IL17RC: variants seen among roughly 807,000 people sequenced by gnomAD.
The protein encoded by IL17RC is interleukin 17 receptor C, also known as interleukin-17 receptor C.
A neutral mutation model predicts 86.7 loss-of-function variants in IL17RC; 53 were observed. The ratio of observed to expected loss-of-function variants is 0.61; its 90% CI spans 0.49 to 0.77. The LOEUF (loss-of-function observed/expected upper bound fraction) is 0.77, where lower values mean the gene tolerates loss of function less well. Ranked by LOEUF, IL17RC falls within the 30% of genes least tolerant of loss-of-function variation. The pLI is 0.00. For missense variants in IL17RC, 957 were observed against 940.0 expected (o/e 1.02, Z -0.24); for synonymous variants, 439 against 413.1 (o/e 1.06, Z -0.76).
intron 9 of IL17RC, 40 bp downstream of exon 9, chr3:9,924,331 GA>G: frequency 6.3e-7 from 1 of 1,584,068 alleles, no homozygotes; most frequent in Non-Finnish European, 8.7e-7. Context: ...AGAGGAGTGG[GA>G]AGATGATGAT....
rs1267506216 is a variant in IL17RC at position 9,933,074 on chromosome 3, G to A, written c.1644G>A (p.Leu548=). ...TGCCGCTGCGCGTGGCCGTAGACCT[G>A]TGGAGCCGTCGTGAACTGAGCGCGC... ...CQLPLRVAVD[L]WSRRELSAQG... is the part of the protein sequence containing the mutation. The change falls in exon 19 of 19, where the codon CTG becomes CTA. Residue 548 remains leucine (L), a synonymous_variant. Transcript: ENST00000403601. 6.4e-7 allele frequency: 1 copy of A among 1,557,828 alleles called. No homozygotes were observed. The highest frequency in any genetic ancestry group is 8.6e-7 in the Non-Finnish European group (1 of 1,160,076).
rs1368875655 is a variant in IL17RC, at chr3:9,930,211, A to AT, written c.1278+66dup. The AT allele has an allele frequency of 1.2e-6, 2 of 1,601,048 alleles. No homozygotes were observed. Among genetic ancestry groups the AT allele is most frequent in the Non-Finnish European group, 1.7e-6 (2 of 1,170,928 alleles). On this transcript the variant is annotated intron_variant, in intron 14 of 18. Coordinates refer to ENST00000403601, the MANE Select transcript of IL17RC (RefSeq NM_153460.4). The surrounding 1 kb of genome is among the most constrained non-coding windows in gnomAD (Gnocchi z 5.8). ...AAATGCATCTCACATCTGGCCTCAA[A>AT]TTTTCACTCCATCCACCCTGTGCCG...
At chr3:9,918,630 C>A (rs766980978) in intron 5 of IL17RC, 21 bp downstream of exon 5, 19 of 1,511,408 alleles carry the variant, frequency 1.3e-5, no homozygotes, top group African/African-American at 1.4e-5. Flanking sequence ...TAATAATAAT[C>A]ACCTTCTAAA....
chr3:9,923,327 G>A (rs2083748115), intron 7 of IL17RC, among the ~76,000 whole-genome samples: 1 of 152,036 alleles, frequency 6.6e-6, no homozygotes, highest in South Asian at 2.1e-4. Context: ...TGAGGCAGGA[G>A]GATTGCTTGA....
Position 9,933,082 on chromosome 3 carries a change from G to A in IL17RC, c.1652G>A (p.Arg551His). 2 of 1,565,836 alleles carry A rather than the reference G, an allele frequency of 1.3e-6. No homozygotes were observed. The highest frequency in any genetic ancestry group is 1.2e-5 in the South Asian group (1 of 84,136). Residue 551 changes from arginine to histidine, a missense_variant, in exon 19 of 19, where the codon CGT (arginine) becomes CAT (histidine). Transcript: ENST00000403601. ...CGCGTGGCCGTAGACCTGTGGAGCC[G>A]TCGTGAACTGAGCGCGCAGGGGCCC... ...PLRVAVDLWS[R>H]RELSAQGPVA...
At position 9,933,482 on chromosome 3, in the gene IL17RC, G is replaced by C. The variant is rs2085000085; in HGVS notation, c.2052G>C (p.Val684=). ...GGCTCCAAGAGAGAGCGGAGCAAGT[G>C]TCCCGGGCCCTTCAGCCAGCCCTGG... ...SGRLQERAEQ[V]SRALQPALDS... is the part of the protein sequence containing the mutation. Residue 684 remains valine (V), a synonymous_variant, in exon 19 of 19, where the codon GTG becomes GTC. Transcript: ENST00000403601. 1.2e-6 allele frequency: 2 copies of C among 1,612,222 alleles called. No homozygotes were observed. The highest frequency in any genetic ancestry group is 3.3e-5 in the Admixed American group (2 of 59,924).
Position 9,917,281 on chromosome 3 carries a change from G to A in IL17RC, c.-35G>A, listed in dbSNP as rs765639694. The stretch of plus-strand genomic sequence containing the variant: ...CCCCCCTTGGGGGGGGGCAGCACAG[G>A]GCCTCAGGCCTGGGTGCCACCTGGC... On this transcript the variant is annotated 5_prime_UTR_variant, in exon 1 of 19. Transcript: ENST00000403601. The A allele has an allele frequency of 6.4e-7, 1 of 1,574,214 alleles. No individual in the cohort carries two copies. Among genetic ancestry groups the A allele is most frequent in the Non-Finnish European group, 8.7e-7 (1 of 1,154,648 alleles).
chr3:9,920,424 A>C (rs2083443975), intron 5 of IL17RC, 67 bp from the exon 6 acceptor site: 2 of 929,134 alleles, frequency 2.2e-6, no homozygotes, highest in Admixed American at 2.0e-5. Context: ...CCTGCAGATG[A>C]TCCCACAGCC....
At chr3:9,928,867 T>C (rs922545273) in intron 12 of IL17RC, among the ~76,000 whole-genome samples, 1 of 152,180 alleles carries the variant, frequency 6.6e-6, no homozygotes, top group Non-Finnish European at 1.5e-5. Context: ...CATGGAGTGG[T>C]TGTGACAATG....
At position 9,925,364 on chromosome 3, in the gene IL17RC, C is replaced by T. The variant is rs202004087; in HGVS notation, c.822+1073C>T. 1.1e-4 allele frequency among the ~76,000 whole-genome samples: 17 copies of T among 152,106 alleles called. No individual in the cohort carries two copies. The East Asian group carries it at 3.3e-3, about 29-fold the overall frequency. ...ATCTCCTGACCTTATGATCCACAAG[C>T]CTCGTCCTCCCAAAGTGCTGGGATT... On this transcript the variant is annotated intron_variant, in intron 9 of 18. Transcript: ENST00000403601.
chr3:9,932,343 C>G (rs549604524), intron 16 of IL17RC, among the ~76,000 whole-genome samples: 1 of 152,202 alleles, frequency 6.6e-6, no homozygotes. Flanking sequence ...TCTCTTGCCT[C>G]AGCCTCCCGA....
chr3:9,923,735 C>G (rs1009611302), intron 7 of IL17RC, 146 bp from the exon 8 acceptor site: 11 of 874,270 alleles, frequency 1.3e-5, no homozygotes, highest in Non-Finnish European at 1.7e-5. Context: ...CTGCTAGGAG[C>G]AAAGTCTGGT....
At position 9,933,475 on chromosome 3, in the gene IL17RC, A is replaced by C. The variant is rs988221789; in HGVS notation, c.2045A>C (p.Glu682Ala). 6.2e-7 allele frequency: 1 copy of C among 1,612,558 alleles called. No homozygotes were observed. Among genetic ancestry groups the C allele is most frequent in the African/African-American group, 1.3e-5 (1 of 75,048 alleles). ...TCCGGGCGGCTCCAAGAGAGAGCGG[A>C]GCAAGTGTCCCGGGCCCTTCAGCCA... ...PRSGRLQERA[E>A]QVSRALQPAL... The change falls in exon 19 of 19, where the codon GAG (glutamate) becomes GCG (alanine). Residue 682 changes from glutamate (E) to alanine (A), a missense_variant. Glu to Ala is a moderately radical substitution (Grantham distance 107). Coordinates refer to ENST00000403601, the MANE Select transcript of IL17RC (RefSeq NM_153460.4).
At chr3:9,922,131 T>G (rs1464457522) in intron 7 of IL17RC, among the ~76,000 whole-genome samples, 4 of 151,672 alleles carry the variant, frequency 2.6e-5, no homozygotes, top group Non-Finnish European at 5.9e-5. Flanking sequence ...TTTTGTATTT[T>G]TAGTAGACAT....
In IL17RC at chr3:9,930,021, C is replaced by T; in HGVS notation, c.1157-7C>T. On this transcript the variant is annotated splice_polypyrimidine_tract_variant and splice_region_variant and intron_variant, in intron 13 of 18. Coordinates refer to ENST00000403601, the MANE Select transcript of IL17RC (RefSeq NM_153460.4). This position sits in a 1 kb window ranked among gnomAD's most constrained non-coding sequence, Gnocchi z 5.8. ...TCTTGGTCAGAGTGGCCTCTCACCC[C>T]TTCCAGACTCCCTGGGGCCTCTCAA... 1.2e-6 allele frequency: 2 copies of T among 1,613,936 alleles called. No individual in the cohort carries two copies. Among genetic ancestry groups the T allele is most frequent in the Non-Finnish European group, 8.5e-7 (1 of 1,179,898 alleles).
chr3:9,924,370 A>C, intron 9 of IL17RC, 79 bp downstream of exon 9: 7 of 1,427,224 alleles, frequency 4.9e-6, no homozygotes, highest in Non-Finnish European at 6.9e-6. Flanking sequence ...TCCTGGTCTC[A>C]CCATTCTTCA....
chr3:9,919,563 G>A (rs960280382), intron 5 of IL17RC, among the ~76,000 whole-genome samples: 41 of 151,944 alleles, frequency 2.7e-4, no homozygotes, highest in Non-Finnish European at 3.8e-4. Context: ...GGAGAATGGC[G>A]TGAACCCGGG....
At chr3:9,931,468 C>CATATATATATATAT (rs1164461805) in intron 16 of IL17RC, among the ~76,000 whole-genome samples, 29 of 17,868 alleles carry the variant, frequency 1.6e-3, no homozygotes, top group South Asian at 8.5e-3. Flanking sequence ...CACACACACA[C>CATATATATATATAT]ACATATATAT....
chr3:9,917,952 A>G lies in IL17RC; in HGVS notation c.157A>G (p.Ile53Val). 1.2e-6 allele frequency: 2 copies of G among 1,613,604 alleles called. No individual in the cohort carries two copies. Among genetic ancestry groups the G allele is most frequent in the Non-Finnish European group, 1.7e-6 (2 of 1,180,016 alleles). ...TGACATACTCTGCCTGCCTGGGGACATCGTGCCTGCTCCGGGCCCCGTGCT... is the reference window on the plus strand; with the variant it reads ...TGACATACTCTGCCTGCCTGGGGACGTCGTGCCTGCTCCGGGCCCCGTGCT... ...DSDILCLPGDIVPAPGPVLAP... is the reference protein window; with the variant it reads ...DSDILCLPGDVVPAPGPVLAP... Residue 53 changes from isoleucine to valine, a missense_variant, in exon 3 of 19, where the codon ATC becomes GTC. By Grantham distance (29) the Ile-to-Val change is conservative (BLOSUM62 3). Coordinates refer to ENST00000403601, the MANE Select transcript of IL17RC (RefSeq NM_153460.4).
Sources: allele counts gnomAD v4.1 joint callset (sites outside exome capture counted in the v4.1 genomes callset), GRCh38; gene constraint gnomAD v4.1.1; non-coding constraint Gnocchi (gnomAD v3.1); transcripts MANE v1.5; gene names NCBI Gene and HGNC (gene_info 2026-07-23, HGNC 2026-07-21).